Variants in NOSTRIN observed in about 807,000 individuals in gnomAD.
The protein encoded by NOSTRIN is nitric oxide synthase trafficking.
NOSTRIN carries 63 observed loss-of-function variants against 59.0 expected under a neutral mutation model. The ratio of observed to expected loss-of-function variants is 1.07; its 90% CI spans 0.87 to 1.32. NOSTRIN has a LOEUF of 1.32. Ranked by LOEUF, NOSTRIN falls within the 40% of genes most tolerant of loss-of-function variation. The probability of loss-of-function intolerance (pLI) is 0.00; values close to 1 mark genes in which losing one functional copy is unlikely to be tolerated. For missense variants in NOSTRIN, 512 were observed against 473.1 expected, an observed-to-expected ratio of 1.08 and a Z score of -0.76; for synonymous variants, 200 against 165.4, an observed-to-expected ratio of 1.21 and a Z score of -1.61.
At chr2:168,829,680 C>G (rs1296443061) in intron 5 of NOSTRIN, among the ~76,000 whole-genome samples, 1 of 152,114 alleles carries the variant, frequency 6.6e-6, no homozygotes, top group Non-Finnish European at 1.5e-5. Context: ...AGTAGTTAAG[C>G]ACTTTATACT....
chr2:168,859,958 C>T (rs979687421), intron 13 of NOSTRIN, among the ~76,000 whole-genome samples: 4 of 152,110 alleles, frequency 2.6e-5, no homozygotes, highest in African/African-American at 7.2e-5. Flanking sequence ...TTTTAATATT[C>T]GTTCAGACCT....
chr2:168,856,622 G>A (rs568423709), intron 11 of NOSTRIN, 68 bp from the exon 12 acceptor site: 18 of 1,409,490 alleles, frequency 1.3e-5, no homozygotes, highest in Admixed American at 8.4e-5. Context: ...CTTTGAGAGC[G>A]ACCGACTCCT....
chr2:168,787,819 CTG>C (rs1299073123), intron 1 of NOSTRIN: 4 of 152,130 alleles, frequency 2.6e-5, no homozygotes, highest in African/African-American at 9.7e-5. Context: ...AAGACTGAAA[CTG>C]GAGGCTGTTG....
chr2:168,814,944 G>A lies in NOSTRIN; in HGVS notation c.113+3292G>A, dbSNP rs977274712. 2.8e-4 allele frequency among the ~76,000 whole-genome samples: 43 copies of A among 152,080 alleles called. 1 individual carries two copies. Among genetic ancestry groups the A allele is most frequent in the African/African-American group, 9.4e-4 (39 of 41,406 alleles). ...TTTAAATAAATGAAAGATAGTTAAG[G>A]GTTTTTAAAAATTATTATATCTACA... On this transcript the variant is annotated intron_variant, in intron 2 of 15. Coordinates refer to ENST00000317647, the MANE Select transcript of NOSTRIN (RefSeq NM_001039724.4).
chr2:168,790,652 C>T lies in NOSTRIN; in HGVS notation c.-473+2604C>T, dbSNP rs192970527. Among the ~76,000 whole-genome samples the T allele has an allele frequency of 2.6e-3, 389 of 152,348 alleles. 2 individuals are homozygous for T. Among genetic ancestry groups the T allele is most frequent in the South Asian group, 5.2e-3 (25 of 4,832 alleles). On this transcript the variant is annotated intron_variant, in intron 2 of 20. Coordinates refer to the NOSTRIN transcript ENST00000458381. ...AGGAAAGCCAAGGAGGAGCTAAGAACTGTTCCAGAGTGGAAACTAAAGAAA... is the reference window on the plus strand; with the variant it reads ...AGGAAAGCCAAGGAGGAGCTAAGAATTGTTCCAGAGTGGAAACTAAAGAAA...
rs1183801294 is a variant in NOSTRIN at position 168,828,485 on chromosome 2, A to G, written c.326A>G (p.Glu109Gly). The G allele has an allele frequency of 1.1e-6, 1 of 870,604 alleles. No homozygotes were observed. Among genetic ancestry groups the G allele is most frequent in the Admixed American group, 1.7e-5 (1 of 58,626 alleles). 53.9% of individuals were successfully genotyped at this position (870,604 alleles called of 1,614,324 possible). Residue 109 changes from glutamate to glycine, a missense_variant, in exon 5 of 16, where the codon GAG becomes GGG. Coordinates refer to ENST00000317647, the MANE Select transcript of NOSTRIN (RefSeq NM_001039724.4). ...KPTYQVLNVQ[E>G]KKRKSLDNEV... ...ACTTATCAAGTCCTAAATGTACAAGAGAAGAAGAGAAAATCAGTGAGTCCA... is the reference window on the plus strand; with the variant it reads ...ACTTATCAAGTCCTAAATGTACAAGGGAAGAAGAGAAAATCAGTGAGTCCA...
At chr2:168,846,619 A>T (rs1688442077) in intron 8 of NOSTRIN, among the ~76,000 whole-genome samples, 1 of 152,248 alleles carries the variant, frequency 6.6e-6, no homozygotes, top group Non-Finnish European at 1.5e-5. Context: ...ACTTCAGATG[A>T]TAGAAATAAC....
chr2:168,808,480 G>C (rs938911238), intron 1 of NOSTRIN, among the ~76,000 whole-genome samples: 45 of 152,200 alleles, frequency 3.0e-4, no homozygotes, highest in African/African-American at 8.2e-4. Flanking sequence ...TTTGAGAGCA[G>C]AAGAATTTAC....
chr2:168,801,817 G>T (rs1685621796), upstream of NOSTRIN, among the ~76,000 whole-genome samples: 1 of 152,176 alleles, frequency 6.6e-6, no homozygotes, highest in African/African-American at 2.4e-5. Flanking sequence ...TTGAGTTCTT[G>T]TTCTGTCTAT....
intron 15 of NOSTRIN, chr2:168,863,277 G>C (rs1052941330): frequency 2.7e-6 from 1 of 373,074 alleles, no homozygotes. Context: ...TGACGAGGGA[G>C]AACTTAGAGA....
chr2:168,863,601 T>C (rs895828400), intron 15 of NOSTRIN: 1 of 985,348 alleles, frequency 1.0e-6, no homozygotes, highest in African/African-American at 1.7e-5. Context: ...TGATGTTGTA[T>C]TAAAGTTGTC....
At chr2:168,822,255 GTTGTTTTCTGCAGCTAGGCCTTAGCA>G in intron 2 of NOSTRIN, among the ~76,000 whole-genome samples, 1 of 152,138 alleles carries the variant, frequency 6.6e-6, no homozygotes, top group Non-Finnish European at 1.5e-5. Context: ...ACACCAAATG[GTTGTTTTCTGCAGCTAGGCCTTAGCA>G]TACATCCTGC....
At chr2:168,854,844 G>A (rs1688980006) in intron 10 of NOSTRIN, among the ~76,000 whole-genome samples, 1 of 152,100 alleles carries the variant, frequency 6.6e-6, no homozygotes. Flanking sequence ...ATGCTTCAAG[G>A]CCTAACTAAA....
At chr2:168,828,326 C>T in intron 4 of NOSTRIN, 94 bp from the exon 5 acceptor site, 2 of 863,866 alleles carry the variant, frequency 2.3e-6, no homozygotes, top group Non-Finnish European at 4.0e-6. Context: ...ATAGGTGTTC[C>T]ATAACACACT....
chr2:168,800,882 A>T (rs75324682), upstream of NOSTRIN, among the ~76,000 whole-genome samples: 741 of 149,072 alleles, frequency 5.0e-3, 7 homozygotes, highest in African/African-American at 0.017. Context: ...TATTAACCTC[A>T]GTCTATATCC....
chr2:168,858,073 G>A (rs796719812), intron 12 of NOSTRIN, among the ~76,000 whole-genome samples: 11 of 152,304 alleles, frequency 7.2e-5, no homozygotes, highest in South Asian at 6.2e-4. Flanking sequence ...TTCTGTGACC[G>A]CACAAGCTGT....
chr2:168,837,026 T>C (rs962503736), intron 7 of NOSTRIN, among the ~76,000 whole-genome samples: 2 of 152,194 alleles, frequency 1.3e-5, no homozygotes, highest in Non-Finnish European at 2.9e-5. Context: ...GCAGACCGGC[T>C]ACTTCTCATT....
At chr2:168,820,788 C>CTT in intron 2 of NOSTRIN, among the ~76,000 whole-genome samples, 1 of 150,636 alleles carries the variant, frequency 6.6e-6, no homozygotes, top group African/African-American at 2.4e-5. Flanking sequence ...CAAAGCCCAA[C>CTT]TTTTTTTTCC....
chr2:168,818,713 G>A (rs770525105), intron 2 of NOSTRIN, among the ~76,000 whole-genome samples: 2 of 151,810 alleles, frequency 1.3e-5, no homozygotes, highest in Non-Finnish European at 2.9e-5. Flanking sequence ...TTATCAATTG[G>A]CCTTCATTAT....
Sources: allele counts gnomAD v4.1 joint callset (sites outside exome capture counted in the v4.1 genomes callset), GRCh38; gene constraint gnomAD v4.1.1; transcripts MANE v1.5; gene names NCBI Gene and HGNC (gene_info 2026-07-23, HGNC 2026-07-21).